Variants in DYNC1LI2 observed in about 807,000 individuals in gnomAD.
DYNC1LI2 encodes the protein dynein cytoplasmic 1 light intermediate chain 2.
A neutral mutation model predicts 57.8 loss-of-function variants in DYNC1LI2; 19 were observed. That is an observed-to-expected ratio of 0.33 (90% CI 0.23 to 0.48). The LOEUF is 0.48. Ranked by LOEUF, DYNC1LI2 falls within the 20% of genes least tolerant of loss-of-function variation. DYNC1LI2 has a pLI of 0.99. For synonymous variants in DYNC1LI2, 256 were observed against 233.4 expected, an observed-to-expected ratio of 1.10 and a Z score of -0.88; for missense variants, 470 against 604.2, an observed-to-expected ratio of 0.78 and a Z score of 2.33.
In DYNC1LI2 at chr16:66,751,190, CG is replaced by C. The variant is rs2018042119; in HGVS notation, c.181+82del. 3 of 1,456,770 alleles carry C rather than the reference CG, an allele frequency of 2.1e-6. No individual in the cohort carries two copies. The highest frequency in any genetic ancestry group is 2.8e-6 in the Non-Finnish European group (3 of 1,077,916). The allele number at this position is 1,456,770 out of a possible 1,614,324, so 90.2% of individuals were successfully genotyped here. The stretch of plus-strand genomic sequence containing the variant: ...CCAGGCTGCGGGCAGGCGGCTGGAA[CG>C]GGGAAGGCGGGGACCTGAGGGAGGG... On this transcript the variant is annotated intron_variant, in intron 2 of 12. Coordinates refer to ENST00000258198, the MANE Select transcript of DYNC1LI2 (RefSeq NM_006141.3). The surrounding 1 kb of genome is among the most constrained non-coding windows in gnomAD (Gnocchi z 5.2).
Position 66,735,953 on chromosome 16 carries a change from TAATG to T in DYNC1LI2, c.699+118_699+121del. On this transcript the variant is annotated intron_variant, in intron 5 of 12. Transcript: ENST00000258198. The stretch of plus-strand genomic sequence containing the variant: ...CTGTCTTGACATATTCAATGTACCT[TAATG>T]AATCTCAAATAAGCCCAAGTCTCCC... 3 of 1,291,674 alleles carry T rather than the reference TAATG, an allele frequency of 2.3e-6. No individual in the cohort carries two copies. In the South Asian group the frequency reaches 4.5e-5, roughly 19 times the overall value. 80.0% of individuals were successfully genotyped at this position (1,291,674 alleles called of 1,614,324 possible).
chr16:66,725,878 G>A lies in DYNC1LI2; in HGVS notation c.1328C>T (p.Ser443Phe), dbSNP rs762283465. The change falls in exon 12 of 13, where the codon TCT becomes TTT. Residue 443 changes from serine to phenylalanine, a missense_variant. Ser to Phe is a radical substitution (Grantham distance 155). Coordinates refer to ENST00000258198, the MANE Select transcript of DYNC1LI2 (RefSeq NM_006141.3). ...FNSLLSKKTG[S>F]PGSPGAGGVQ... ...CCCACCAGCACCAGGACTTCCAGGA[G>A]AGCCTGTCTTTTTACTCAACAGACT... 6.2e-7 allele frequency: 1 copy of A among 1,614,172 alleles called. No individual in the cohort carries two copies. Among genetic ancestry groups the A allele is most frequent in the South Asian group, 1.1e-5 (1 of 91,086 alleles).
intron 7 of DYNC1LI2, 86 bp from the exon 8 acceptor site, chr16:66,730,309 G>A: frequency 3.5e-6 from 4 of 1,149,616 alleles, no homozygotes; most frequent in Non-Finnish European, 3.7e-6. Flanking sequence ...TCCTGGGTAG[G>A]ACACTTCTCA....
At chr16:66,748,596 G>T (rs1397693628) in intron 3 of DYNC1LI2, among the ~76,000 whole-genome samples, 1 of 151,936 alleles carries the variant, frequency 6.6e-6, no homozygotes, top group Non-Finnish European at 1.5e-5. Context: ...AAACAGAGAC[G>T]GTCTCGCTCT....
intron 4 of DYNC1LI2, among the ~76,000 whole-genome samples, chr16:66,737,604 A>G (rs2017758595): frequency 2.0e-5 from 3 of 152,072 alleles, no homozygotes; most frequent in Admixed American, 2.0e-4. Flanking sequence ...CTTGCCCAGC[A>G]CCAGATGTAT....
chr16:66,750,435 C>T (rs1020921839), intron 2 of DYNC1LI2, among the ~76,000 whole-genome samples: 8 of 152,172 alleles, frequency 5.3e-5, no homozygotes, highest in Admixed American at 1.3e-4. Flanking sequence ...TAGCAGCCAC[C>T]AACCACAAGG....
Position 66,751,369 on chromosome 16 carries a change from G to C in DYNC1LI2, c.108-23C>G, listed in dbSNP as rs1452144186. ...GACCTGTGGCGACAATGGCAAGAGT[G>C]GTCAGCCCCGGGCCGGGCTGGGATG... On this transcript the variant is annotated intron_variant, in intron 1 of 12. Transcript: ENST00000258198. This position sits in a 1 kb window ranked among gnomAD's most constrained non-coding sequence, Gnocchi z 5.2. 3 of 1,609,432 alleles carry C rather than the reference G, an allele frequency of 1.9e-6. No homozygotes were observed. Among genetic ancestry groups the C allele is most frequent in the Admixed American group, 1.7e-5 (1 of 59,812 alleles).
chr16:66,736,123 A>G lies in DYNC1LI2; in HGVS notation c.651T>C (p.Asn217=), dbSNP rs761629782. 1.2e-6 allele frequency: 2 copies of G among 1,614,054 alleles called. No individual in the cohort carries two copies. The highest frequency in any genetic ancestry group is 4.5e-5 in the East Asian group (2 of 44,856). ...EENVALPLGD[N]VLTHNLGIPV... is the part of the protein sequence containing the mutation. ...GGATCCCCAGGTTATGAGTCAGCACATTGTCACCCAGAGGCAGGGCAACAT... is the reference window on the plus strand; with the variant it reads ...GGATCCCCAGGTTATGAGTCAGCACGTTGTCACCCAGAGGCAGGGCAACAT... Residue 217 remains asparagine (N), a synonymous_variant, in exon 5 of 13, where the codon AAT becomes AAC. Transcript: ENST00000258198.
intron 4 of DYNC1LI2, 145 bp from the exon 5 acceptor site, chr16:66,736,389 C>T: frequency 1.0e-6 from 1 of 970,650 alleles, no homozygotes; most frequent in South Asian, 1.8e-5. Flanking sequence ...ACTGCAAAAT[C>T]AAGGATTTGG....
rs778275627 is a variant in DYNC1LI2 at position 66,736,196 on chromosome 16, C to T, written c.578G>A (p.Gly193Asp). The T allele has an allele frequency of 6.2e-7, 1 of 1,614,120 alleles. No individual in the cohort carries two copies. The highest frequency in any genetic ancestry group is 8.5e-7 in the Non-Finnish European group (1 of 1,180,038). ...CAGAGGGCCTCTTCTCTGTGGGGAA[C>T]CTTGACAACCTTCTTCAGGTTCCAT... The part of the protein sequence containing the change: ...DYMEPEEGCQ[G>D]SPQRRGPLTS... Residue 193 changes from glycine to aspartate, a missense_variant, in exon 5 of 13, where the codon GGT (glycine) becomes GAT (aspartate). Coordinates refer to ENST00000258198, the MANE Select transcript of DYNC1LI2 (RefSeq NM_006141.3).
intron 4 of DYNC1LI2, among the ~76,000 whole-genome samples, chr16:66,738,004 T>C (rs1265803160): frequency 6.6e-6 from 1 of 152,096 alleles, no homozygotes; most frequent in Non-Finnish European, 1.5e-5. Context: ...GCTAAGTAAA[T>C]TCAAACAACA....
At chr16:66,744,654 G>C (rs1244014531) in intron 3 of DYNC1LI2, among the ~76,000 whole-genome samples, 1 of 151,690 alleles carries the variant, frequency 6.6e-6, no homozygotes, top group Admixed American at 6.6e-5. Context: ...CTGCTGCCCA[G>C]GTTCAAGCGA....
intron 8 of DYNC1LI2, 30 bp from the exon 9 acceptor site, chr16:66,729,129 C>T (rs751161555): frequency 1.2e-6 from 2 of 1,613,288 alleles, no homozygotes; most frequent in Non-Finnish European, 1.7e-6. Flanking sequence ...TTTGTGGCCA[C>T]AGGCCAAGAA....
chr16:66,744,799 A>T (rs560470520), intron 3 of DYNC1LI2, among the ~76,000 whole-genome samples: 4 of 152,284 alleles, frequency 2.6e-5, no homozygotes, highest in African/African-American at 4.8e-5. Context: ...ACCTCAAGTG[A>T]TCTGCCCGCC....
At chr16:66,729,571 G>GTTT (rs11310483) in intron 8 of DYNC1LI2, among the ~76,000 whole-genome samples, 23 of 93,700 alleles carry the variant, frequency 2.5e-4, no homozygotes, top group South Asian at 4.0e-4. Flanking sequence ...TTTCTTTATA[G>GTTT]TTTTTTTTTT....
chr16:66,737,490 CAAAA>C (rs754336347), intron 4 of DYNC1LI2, among the ~76,000 whole-genome samples: 1 of 58,006 alleles, frequency 1.7e-5, no homozygotes, highest in African/African-American at 5.1e-5. Flanking sequence ...GACTCCGTCT[CAAAA>C]AAAAAAAAAA....
chr16:66,725,737 A>G, intron 12 of DYNC1LI2, 91 bp downstream of exon 12: 1 of 1,287,982 alleles, frequency 7.8e-7, no homozygotes, highest in Non-Finnish European at 1.1e-6. Flanking sequence ...TATTCAGGAC[A>G]CTGCAGGGTC....
Position 66,734,402 on chromosome 16 carries a change from C to A in DYNC1LI2, c.700-91G>T, listed in dbSNP as rs924865364. ...TCTTCAGAAATAAAGTATTGTGGCT[C>A]CAAAGAAGAAAGCCACAGCTCAGGG... On this transcript the variant is annotated intron_variant, in intron 5 of 12. Coordinates refer to ENST00000258198, the MANE Select transcript of DYNC1LI2 (RefSeq NM_006141.3). 4.7e-6 allele frequency: 6 copies of A among 1,268,150 alleles called. No individual in the cohort carries two copies. The African/African-American group carries it at 8.8e-5, about 19-fold the overall frequency. 78.6% of individuals were successfully genotyped at this position (1,268,150 alleles called of 1,614,324 possible). A position where few individuals can be genotyped will look rare whatever the true frequency, so the allele number is the denominator to read the frequency against.
chr16:66,723,887 A>G, intron 12 of DYNC1LI2, 65 bp from the exon 13 acceptor site: 1 of 1,389,954 alleles, frequency 7.2e-7, no homozygotes, highest in Non-Finnish European at 9.8e-7. Context: ...TTTTTTTTAA[A>G]GGAGCATTTA....
Sources: gnomAD v4.1 joint callset for allele counts (sites outside exome capture counted in the v4.1 genomes callset) on GRCh38, gnomAD v4.1.1 for gene constraint, Gnocchi (gnomAD v3.1) non-coding constraint, MANE v1.5 for transcripts, NCBI Gene and HGNC (gene_info 2026-07-23, HGNC 2026-07-21) for gene names.